Variants in ELP3 observed in about 807,000 individuals in gnomAD.
ELP3 encodes the protein elongator acetyltransferase complex subunit 3, also known as elongator complex protein 3.
Under a neutral mutation model 74.9 loss-of-function variants are expected in ELP3, and 56 were observed. The observed-to-expected ratio is 0.75, with a 90% CI of 0.60 to 0.93. The LOEUF (loss-of-function observed/expected upper bound fraction) is 0.93. Among genes scored for constraint, ELP3 ranks in the 40% least tolerant of loss-of-function variants. The pLI, the probability that ELP3 is intolerant of heterozygous loss-of-function variation, is 0.00. For missense variants in ELP3, 573 were observed against 686.5 expected (o/e 0.83, Z 1.85); for synonymous variants, 222 against 239.8 (o/e 0.93, Z 0.68).
chr8:28,090,555 T>C (rs1811027849), upstream of ELP3, among the ~76,000 whole-genome samples: 1 of 151,742 alleles, frequency 6.6e-6, no homozygotes, highest in Admixed American at 6.6e-5. Flanking sequence ...CCCATTGCAA[T>C]TTGCTTATTA....
chr8:28,118,875 C>G (rs1011894395), intron 7 of ELP3: 1 of 152,062 alleles, frequency 6.6e-6, no homozygotes, highest in Non-Finnish European at 1.5e-5. Flanking sequence ...CTTCCTCTTC[C>G]CCCGCCCCGC....
chr8:28,167,110 A>G (rs1585736953), intron 14 of ELP3, among the ~76,000 whole-genome samples: 1 of 152,226 alleles, frequency 6.6e-6, no homozygotes, highest in Non-Finnish European at 1.5e-5. Context: ...GTTTAAATCT[A>G]TTAAAAAGCC....
intron 8 of ELP3, among the ~76,000 whole-genome samples, chr8:28,130,490 A>G (rs912596253): frequency 2.0e-5 from 3 of 152,212 alleles, no homozygotes; most frequent in African/African-American, 7.2e-5. Context: ...GGAGGATGGA[A>G]TTTTCCCTTA....
At chr8:28,132,503 A>ATTATAGAATATTAATATTATAGAAT in intron 9 of ELP3, 99 bp downstream of exon 9, 1 of 1,443,294 alleles carries the variant, frequency 6.9e-7, no homozygotes, top group Non-Finnish European at 9.6e-7. Flanking sequence ...TTCCAGTGTT[A>ATTATAGAATATTAATATTATAGAAT]AAGAAATGCA....
intron 10 of ELP3, among the ~76,000 whole-genome samples, chr8:28,154,572 A>G (rs571978029): frequency 1.3e-5 from 2 of 152,116 alleles, no homozygotes; most frequent in South Asian, 4.1e-4. Flanking sequence ...TTCTTTATAA[A>G]TTATTTCAGG....
In ELP3 at chr8:28,133,414, C is replaced by T. The variant is rs563095759; in HGVS notation, c.906+1010C>T. 1.4e-4 allele frequency among the ~76,000 whole-genome samples: 20 copies of T among 141,286 alleles called. 1 individual carries two copies. In the South Asian group the frequency reaches 4.2e-3, roughly 30 times the overall value. 92.7% of individuals were successfully genotyped at this position (141,286 alleles called of 152,430 possible). ...CCTTTTACTTGTGCTTCCATTAAGT[C>T]GATCTTTTTTTTCCTTTTTTTTTTT... On this transcript the variant is annotated intron_variant, in intron 9 of 14. Coordinates refer to ENST00000256398, the MANE Select transcript of ELP3 (RefSeq NM_018091.6).
At chr8:28,152,670 G>T (rs183469472) in intron 10 of ELP3, among the ~76,000 whole-genome samples, 11 of 152,296 alleles carry the variant, frequency 7.2e-5, no homozygotes, top group African/African-American at 2.2e-4. Flanking sequence ...GCCGGGTGTG[G>T]TGGCAGGCAC....
chr8:28,104,404 A>G (rs376830978), intron 3 of ELP3, among the ~76,000 whole-genome samples: 1 of 152,212 alleles, frequency 6.6e-6, no homozygotes, highest in Non-Finnish European at 1.5e-5. Context: ...TTGAAACACC[A>G]TGGTTGTTAA....
chr8:28,145,403 T>C (rs936116384), intron 10 of ELP3, among the ~76,000 whole-genome samples: 1 of 152,248 alleles, frequency 6.6e-6, no homozygotes, highest in African/African-American at 2.4e-5. Context: ...AAAGTCTCCT[T>C]CCAGGATATT....
chr8:28,135,256 A>G (rs892007125), intron 9 of ELP3, among the ~76,000 whole-genome samples: 1 of 152,184 alleles, frequency 6.6e-6, no homozygotes, highest in Non-Finnish European at 1.5e-5. Flanking sequence ...TTTTAAGAGT[A>G]GGGGTTTGAA....
intron 3 of ELP3, among the ~76,000 whole-genome samples, chr8:28,101,565 T>C (rs1811487126): frequency 6.6e-6 from 1 of 151,680 alleles, no homozygotes; most frequent in South Asian, 2.1e-4. Flanking sequence ...TAACATTCTT[T>C]ACATAATAGA....
chr8:28,184,128 A>G (rs17058698), intron 14 of ELP3, among the ~76,000 whole-genome samples: 7,638 of 152,220 alleles, frequency 0.05, 584 homozygotes, highest in African/African-American at 0.16. Context: ...GCCTTTCCCA[A>G]CCTGTTCTGC....
intron 14 of ELP3, among the ~76,000 whole-genome samples, chr8:28,188,143 G>A (rs769954648): frequency 6.6e-6 from 1 of 152,164 alleles, no homozygotes; most frequent in Non-Finnish European, 1.5e-5. Context: ...CGCTCTCCCC[G>A]CCCAGCCTCA....
chr8:28,137,185 T>C (rs962974467), intron 9 of ELP3, among the ~76,000 whole-genome samples: 1 of 152,178 alleles, frequency 6.6e-6, no homozygotes. Flanking sequence ...GTATATTCCA[T>C]TATTAAAGAA....
At chr8:28,187,624 C>A (rs886320875) in intron 14 of ELP3, among the ~76,000 whole-genome samples, 1 of 152,176 alleles carries the variant, frequency 6.6e-6, no homozygotes, top group African/African-American at 2.4e-5. Flanking sequence ...CTGTCCCCCC[C>A]ATGTAGCCTC....
rs746248780 is a variant in ELP3, at chr8:28,132,274, T to C, written c.780-4T>C. The stretch of plus-strand genomic sequence containing the variant: ...TTTCACAGGTAGTGATTTTCTTTCC[T>C]TAGGGGCCACACTGTGAAGGCAGTG... On this transcript the variant is annotated splice_region_variant and splice_polypyrimidine_tract_variant and intron_variant, in intron 8 of 14. Transcript: ENST00000256398. 1 of 1,614,004 alleles carries C rather than the reference T, an allele frequency of 6.2e-7. No homozygotes were observed.
intron 12 of ELP3, among the ~76,000 whole-genome samples, chr8:28,159,286 G>A (rs889772568): frequency 6.6e-6 from 1 of 152,224 alleles, no homozygotes; most frequent in Admixed American, 6.5e-5. Context: ...TGGAATAGAT[G>A]ATCTCTGCAT....
At chr8:28,164,516 G>C (rs1814230849) in intron 14 of ELP3, among the ~76,000 whole-genome samples, 1 of 152,060 alleles carries the variant, frequency 6.6e-6, no homozygotes, top group African/African-American at 2.4e-5. Flanking sequence ...ATGCCTTCTT[G>C]GGACTCTAGT....
intron 10 of ELP3, among the ~76,000 whole-genome samples, chr8:28,149,078 G>T (rs1469996621): frequency 6.6e-6 from 1 of 152,186 alleles, no homozygotes; most frequent in Non-Finnish European, 1.5e-5. Flanking sequence ...CCCTCACCAG[G>T]CACTGAATAT....
Sources: allele counts gnomAD v4.1 joint callset (sites outside exome capture counted in the v4.1 genomes callset), GRCh38; gene constraint gnomAD v4.1.1; transcripts MANE v1.5; gene names NCBI Gene and HGNC (gene_info 2026-07-23, HGNC 2026-07-21).